ADGRG5: variants seen among roughly 807,000 people sequenced by gnomAD.
ADGRG5 encodes the protein adhesion G protein-coupled receptor G5, also known as G protein-coupled receptor 114.
In ADGRG5, 37 loss-of-function variants were observed where a neutral mutation model predicts 53.2. The observed-to-expected ratio is 0.70, with a 90% CI of 0.53 to 0.91. The LOEUF (loss-of-function observed/expected upper bound fraction) is 0.91, where lower values mean the gene tolerates loss of function less well. ADGRG5 is among the 40% of genes least tolerant of loss of function. The pLI is 0.00. For missense variants in ADGRG5, 614 were observed against 675.8 expected (o/e 0.91, Z 1.01); for synonymous variants, 277 against 290.4 (o/e 0.95, Z 0.47).
At chr16:57,564,079 G>C (rs1308730142) in intron 5 of ADGRG5, 100 bp downstream of exon 5, 1 of 1,314,964 alleles carries the variant, frequency 7.6e-7, no homozygotes, top group Admixed American at 2.0e-5. Flanking sequence ...GACCAGCACT[G>C]AGTGAGACCA....
Position 57,576,133 on chromosome 16 carries a change from G to A in ADGRG5, c.*595G>A, listed in dbSNP as rs766359080. On this transcript the variant is annotated 3_prime_UTR_variant, in exon 12 of 12. Transcript: ENST00000349457. The stretch of plus-strand genomic sequence containing the variant: ...GCCAGATGGCATCCTGGCTTGGGGC[G>A]GGTGGGACCTACCCAGGCTCTGAGA... The A allele has an allele frequency of 1.3e-5, 2 of 153,284 alleles. No homozygotes were observed. The highest frequency in any genetic ancestry group is 2.9e-5 in the Non-Finnish European group (2 of 68,836). The allele number at this position is 153,284 out of a possible 1,614,324, so 9.5% of individuals were successfully genotyped here. A position where few individuals can be genotyped will look rare whatever the true frequency, so the allele number is the denominator to read the frequency against.
rs2033441562 is a variant in ADGRG5 at position 57,574,131 on chromosome 16, G to A, written c.1209-684G>A. Among the ~76,000 whole-genome samples the A allele has an allele frequency of 6.6e-6, 1 of 152,240 alleles. No homozygotes were observed. The highest frequency in any genetic ancestry group is 2.1e-4 in the South Asian group (1 of 4,834). ...CTAAAAGGTGGCATCTGTCTTGAAG[G>A]TGTCTTGGGGAGGCAAAGGGCAGAG... On this transcript the variant is annotated intron_variant, in intron 10 of 11. Coordinates refer to ENST00000349457, the MANE Select transcript of ADGRG5 (RefSeq NM_001304376.3). The surrounding 1 kb of genome is among the most constrained non-coding windows in gnomAD (Gnocchi z 4.4).
chr16:57,545,980 T>C (rs761828576), intron 1 of ADGRG5, among the ~76,000 whole-genome samples: 6 of 152,064 alleles, frequency 3.9e-5, no homozygotes, highest in Non-Finnish European at 8.8e-5. Flanking sequence ...CACGCTCCAC[T>C]GCGCCTGACT....
At chr16:57,548,393 T>C (rs75271376) in intron 1 of ADGRG5, among the ~76,000 whole-genome samples, 2,177 of 152,300 alleles carry the variant, frequency 0.014, 42 homozygotes, top group African/African-American at 0.049. Flanking sequence ...TTTGGTATAG[T>C]TCACAGACTT....
At chr16:57,562,001 T>G in intron 1 of ADGRG5, 55 bp from the exon 2 acceptor site, 1 of 975,730 alleles carries the variant, frequency 1.0e-6, no homozygotes, top group South Asian at 1.8e-5. Context: ...GCCAGACACC[T>G]AGAAGTTAGA....
At chr16:57,564,119 A>G (rs541824829) in intron 5 of ADGRG5, 140 bp downstream of exon 5, 2 of 922,404 alleles carry the variant, frequency 2.2e-6, no homozygotes, top group Admixed American at 2.4e-5. Context: ...CAAGCCAGCA[A>G]TTGTCCCTCT....
chr16:57,549,648 T>C (rs770720004), intron 1 of ADGRG5, among the ~76,000 whole-genome samples: 1 of 152,236 alleles, frequency 6.6e-6, no homozygotes. Context: ...CATGTATACA[T>C]GTATATTACA....
intron 1 of ADGRG5, among the ~76,000 whole-genome samples, chr16:57,548,008 A>G (rs1375847335): frequency 6.6e-6 from 1 of 152,102 alleles, no homozygotes; most frequent in Non-Finnish European, 1.5e-5. Flanking sequence ...TAGGCCTCCC[A>G]GCGTGCTGGG....
intron 11 of ADGRG5, 90 bp from the exon 12 acceptor site, chr16:57,575,348 C>A: frequency 7.9e-7 from 1 of 1,258,044 alleles, no homozygotes; most frequent in East Asian, 2.4e-5. Context: ...GCCCATGGGC[C>A]CCAGGGAGGC....
chr16:57,570,258 A>G (rs1239625074), intron 9 of ADGRG5, among the ~76,000 whole-genome samples, 160 bp from the exon 10 acceptor site: 1 of 152,204 alleles, frequency 6.6e-6, no homozygotes, highest in Non-Finnish European at 1.5e-5. Context: ...AGCTTCCTCC[A>G]AACCACCAGG....
chr16:57,577,189 A>G lies in ADGRG5; in HGVS notation c.*1651A>G, dbSNP rs2033538760. The G allele has an allele frequency of 6.6e-6, 1 of 152,212 alleles. No individual in the cohort carries two copies. Among genetic ancestry groups the G allele is most frequent in the African/African-American group, 2.4e-5 (1 of 41,458 alleles). 9.4% of individuals were successfully genotyped at this position (152,212 alleles called of 1,614,324 possible). A position where few individuals can be genotyped will look rare whatever the true frequency, so the allele number is the denominator to read the frequency against. On this transcript the variant is annotated 3_prime_UTR_variant, in exon 12 of 12. Coordinates refer to ENST00000349457, the MANE Select transcript of ADGRG5 (RefSeq NM_001304376.3). ...TTGGCACAGAGTAAGTGCTCAGTAA[A>G]TGGTTACTGGTATTATCATTAGTAT...
Position 57,563,361 on chromosome 16 carries a change from G to T in ADGRG5, c.297+114G>T, listed in dbSNP as rs1210532266. ...ACTGTCTTCCTCCCCACACCCCACAGTCCAGGCTCTGCCCTAACTGGCAGT... is the reference window on the plus strand; with the variant it reads ...ACTGTCTTCCTCCCCACACCCCACATTCCAGGCTCTGCCCTAACTGGCAGT... On this transcript the variant is annotated intron_variant, in intron 4 of 11. Transcript: ENST00000349457. 4.4e-6 allele frequency: 4 copies of T among 903,032 alleles called. No homozygotes were observed. In the Admixed American group the frequency reaches 5.9e-5, roughly 13 times the overall value. The allele number at this position is 903,032 out of a possible 1,614,324, so 55.9% of individuals were successfully genotyped here.
At chr16:57,567,195 TG>T (rs1467082710) in intron 7 of ADGRG5, among the ~76,000 whole-genome samples, 1 of 152,212 alleles carries the variant, frequency 6.6e-6, no homozygotes, top group African/African-American at 2.4e-5. Context: ...TGACCAGGCC[TG>T]GCACCCCTTT....
intron 1 of ADGRG5, among the ~76,000 whole-genome samples, chr16:57,557,397 C>T (rs1376109694): frequency 6.6e-6 from 1 of 152,116 alleles, no homozygotes; most frequent in Non-Finnish European, 1.5e-5. Context: ...ATTTTATCTT[C>T]GGTTCTGCAG....
In ADGRG5 at chr16:57,568,041, G is replaced by T; in HGVS notation, c.1007G>T (p.Gly336Val). ...LSCLTWMAIE[G>V]FNLYLLLGRV... ...TGCCTCACCTGGATGGCCATCGAGG[G>T]CTTCAACCTCTACCTCCTCCTCGGG... Residue 336 changes from glycine (G) to valine (V), a missense_variant, in exon 9 of 12, where the codon GGC becomes GTC. Gly to Val is a moderately radical substitution (Grantham distance 109). Coordinates refer to ENST00000349457, the MANE Select transcript of ADGRG5 (RefSeq NM_001304376.3). 6 of 1,614,014 alleles carry T rather than the reference G, an allele frequency of 3.7e-6. No individual in the cohort carries two copies. The highest frequency in any genetic ancestry group is 5.1e-6 in the Non-Finnish European group (6 of 1,179,952).
intron 9 of ADGRG5, 49 bp from the exon 10 acceptor site, chr16:57,570,369 G>T (rs368722725): frequency 4.7e-6 from 6 of 1,281,238 alleles, no homozygotes; most frequent in South Asian, 1.2e-5. Context: ...CCCAGGGACC[G>T]AGGGTCAGCC....
the ADGRG5 span, among the ~76,000 whole-genome samples, chr16:57,536,817 G>C: frequency 6.6e-6 from 1 of 152,214 alleles, no homozygotes; most frequent in Non-Finnish European, 1.5e-5. Flanking sequence ...CCCGTGAGGG[G>C]CCGAGAGTTG....
Position 57,570,276 on chromosome 16 carries a change from C to T in ADGRG5, c.1091-142C>T. On this transcript the variant is annotated intron_variant, in intron 9 of 11. Transcript: ENST00000349457. The stretch of plus-strand genomic sequence containing the variant: ...TTCCTCCAAACCACCAGGCTCATTG[C>T]TCTGAAGTTGGGGGCTCACAACAGT... The T allele has an allele frequency of 5.1e-6, 3 of 582,682 alleles. No individual in the cohort carries two copies. In the South Asian group the frequency reaches 6.1e-5, roughly 12 times the overall value. The allele number at this position is 582,682 out of a possible 1,614,324, so 36.1% of individuals were successfully genotyped here.
chr16:57,536,376 CT>C, the ADGRG5 span: 1 of 152,316 alleles, frequency 6.6e-6, no homozygotes, highest in Non-Finnish European at 1.5e-5. Context: ...GGCGCCCCGA[CT>C]GTGTCTGCTC....
Sources: gnomAD v4.1 joint callset for allele counts (sites outside exome capture counted in the v4.1 genomes callset) on GRCh38, gnomAD v4.1.1 for gene constraint, Gnocchi (gnomAD v3.1) non-coding constraint, MANE v1.5 for transcripts, NCBI Gene and HGNC (gene_info 2026-07-23, HGNC 2026-07-21) for gene names.